Variants in TCERG1L observed in about 807,000 individuals in gnomAD.
TCERG1L encodes transcription elongation regulator 1-like protein.
In TCERG1L, 37 loss-of-function variants were observed where a neutral mutation model predicts 56.3. That is an observed-to-expected ratio of 0.66 (90% CI 0.51 to 0.87). The LOEUF (loss-of-function observed/expected upper bound fraction) is 0.87. Among genes scored for constraint, TCERG1L ranks in the 40% least tolerant of loss-of-function variants. The pLI, the probability that TCERG1L is intolerant of heterozygous loss-of-function variation, is 0.00. For synonymous variants in TCERG1L, 324 were observed against 326.3 expected (o/e 0.99, Z 0.08); for missense variants, 799 against 774.2 (o/e 1.03, Z -0.38).
At chr10:131,255,524 C>T (rs888076472) in intron 4 of TCERG1L, among the ~76,000 whole-genome samples, 2 of 152,198 alleles carry the variant, frequency 1.3e-5, no homozygotes, top group African/African-American at 2.4e-5. Context: ...GGGAACATCA[C>T]GTTTCTCAGG....
At chr10:131,200,928 G>T (rs552105747) in intron 4 of TCERG1L, among the ~76,000 whole-genome samples, 84 of 152,202 alleles carry the variant, frequency 5.5e-4, no homozygotes, top group African/African-American at 2.0e-3. Context: ...GAGGCTTCTC[G>T]CACGGTTATC....
chr10:131,147,445 C>T (rs1160745265), intron 6 of TCERG1L, among the ~76,000 whole-genome samples: 1 of 152,178 alleles, frequency 6.6e-6, no homozygotes, highest in South Asian at 2.1e-4. Flanking sequence ...ACACTCTGAC[C>T]CCGCGCTGTC....
chr10:131,232,464 A>C (rs1194691122), intron 4 of TCERG1L, among the ~76,000 whole-genome samples: 1 of 152,234 alleles, frequency 6.6e-6, no homozygotes, highest in Non-Finnish European at 1.5e-5. Flanking sequence ...GTACACGCAC[A>C]CGCTCACCTG....
chr10:131,255,199 G>A (rs913713076), intron 4 of TCERG1L, among the ~76,000 whole-genome samples: 32 of 152,160 alleles, frequency 2.1e-4, no homozygotes, highest in African/African-American at 7.2e-4. Context: ...CTGGCAGAGG[G>A]GACAAGGTGT....
At chr10:131,216,347 A>C (rs1589751567) in intron 4 of TCERG1L, among the ~76,000 whole-genome samples, 1 of 152,166 alleles carries the variant, frequency 6.6e-6, no homozygotes, top group South Asian at 2.1e-4. Flanking sequence ...TCAAGCTGAG[A>C]GCCTTGTACC....
At chr10:131,170,070 T>C (rs1293778334) in intron 4 of TCERG1L, among the ~76,000 whole-genome samples, 1 of 152,190 alleles carries the variant, frequency 6.6e-6, no homozygotes, top group Non-Finnish European at 1.5e-5. Context: ...CACCCCGGAA[T>C]ACCTGCGACA....
chr10:131,286,172 C>T (rs901370419), intron 3 of TCERG1L, among the ~76,000 whole-genome samples: 3 of 152,278 alleles, frequency 2.0e-5, no homozygotes, highest in African/African-American at 7.2e-5. Context: ...AGAAGAAATA[C>T]TTGGACAACT....
chr10:131,150,365 C>T (rs1845850888), intron 6 of TCERG1L, among the ~76,000 whole-genome samples: 1 of 151,294 alleles, frequency 6.6e-6, no homozygotes, highest in Non-Finnish European at 1.5e-5. Context: ...TCACTAAGAG[C>T]TGCTAGGTGC....
At chr10:131,239,416 A>C (rs1490061310) in intron 4 of TCERG1L, among the ~76,000 whole-genome samples, 2 of 152,266 alleles carry the variant, frequency 1.3e-5, no homozygotes, top group Non-Finnish European at 2.9e-5. Context: ...ATGTCAAAAA[A>C]AGAATATGTT....
rs78049348 is a variant in TCERG1L, at chr10:131,162,377, C to G, written c.1034+745G>C. The G allele has an allele frequency of 9.9e-3, 1,507 of 152,308 alleles. 29 individuals are homozygous for G. Among genetic ancestry groups the G allele is most frequent in the African/African-American group, 0.028 (1,163 of 41,544 alleles). The allele number at this position is 152,308 out of a possible 1,614,324, so 9.4% of individuals were successfully genotyped here. A position where few individuals can be genotyped will look rare whatever the true frequency, so the allele number is the denominator to read the frequency against. ...TGTCCAGATTGGAGCCAAGTTCACC[C>G]GAATCATCAGAGGACCAGGGCATGG... On this transcript the variant is annotated intron_variant, in intron 6 of 11. Coordinates refer to ENST00000368642, the MANE Select transcript of TCERG1L (RefSeq NM_174937.4).
intron 9 of TCERG1L, among the ~76,000 whole-genome samples, chr10:131,114,853 C>T (rs956313679): frequency 6.6e-6 from 1 of 152,188 alleles, no homozygotes; most frequent in African/African-American, 2.4e-5. Flanking sequence ...TTCACGATGC[C>T]ATCATGTTTC....
At chr10:131,106,347 C>T (rs1219117769) in intron 9 of TCERG1L, among the ~76,000 whole-genome samples, 1 of 152,156 alleles carries the variant, frequency 6.6e-6, no homozygotes, top group African/African-American at 2.4e-5. Flanking sequence ...ACTAGTGGGA[C>T]CCAGCAAAGA....
At chr10:131,298,125 TA>T (rs1846718293) in intron 3 of TCERG1L, among the ~76,000 whole-genome samples, 1 of 148,334 alleles carries the variant, frequency 6.7e-6, no homozygotes, top group Non-Finnish European at 1.5e-5. Flanking sequence ...AGGTTAAGCT[TA>T]GATCATTAAT....
intron 9 of TCERG1L, among the ~76,000 whole-genome samples, chr10:131,110,912 A>G (rs1446943233): frequency 7.7e-6 from 1 of 129,354 alleles, no homozygotes; most frequent in African/African-American, 2.6e-5. Context: ...CGGACAGGAC[A>G]CGACTGGATT....
At position 131,170,456 on chromosome 10, in the gene TCERG1L, C is replaced by T. The variant is rs186664970; in HGVS notation, c.857-3571G>A. ...TTTCCGCCCTCCGAGAGAGGCACGG[C>T]GGTAATACCTTTCTGGGCAATGCCT... On this transcript the variant is annotated intron_variant, in intron 4 of 11. Coordinates refer to ENST00000368642, the MANE Select transcript of TCERG1L (RefSeq NM_174937.4). Among the ~76,000 whole-genome samples, 31 of 152,006 alleles carry T rather than the reference C, an allele frequency of 2.0e-4. No individual in the cohort carries two copies. The East Asian group carries it at 6.0e-3, about 30-fold the overall frequency.
At chr10:131,206,351 G>A (rs1028572030) in intron 4 of TCERG1L, among the ~76,000 whole-genome samples, 9 of 152,130 alleles carry the variant, frequency 5.9e-5, no homozygotes, top group African/African-American at 9.7e-5. Context: ...AGTGAAGACC[G>A]GTGTGGGAGC....
At chr10:131,306,691 G>A (rs1258475595) in intron 3 of TCERG1L, among the ~76,000 whole-genome samples, 2 of 151,908 alleles carry the variant, frequency 1.3e-5, no homozygotes, top group African/African-American at 4.8e-5. Flanking sequence ...TTAAAAAATA[G>A]ATACATCCAA....
At chr10:131,262,159 G>T (rs1846242885) in intron 3 of TCERG1L, among the ~76,000 whole-genome samples, 1 of 152,176 alleles carries the variant, frequency 6.6e-6, no homozygotes, top group African/African-American at 2.4e-5. Flanking sequence ...GCCACAGGAG[G>T]GAGCGGAGCC....
At chr10:131,206,485 G>T (rs1299198367) in intron 4 of TCERG1L, among the ~76,000 whole-genome samples, 2 of 152,224 alleles carry the variant, frequency 1.3e-5, no homozygotes, top group Non-Finnish European at 2.9e-5. Flanking sequence ...GCAGAATAGA[G>T]GGCGTTTTAT....
Sources: allele counts gnomAD v4.1 joint callset (sites outside exome capture counted in the v4.1 genomes callset), GRCh38; gene constraint gnomAD v4.1.1; transcripts MANE v1.5; gene names NCBI Gene and HGNC (gene_info 2026-07-23, HGNC 2026-07-21).